Variants in GFPT1 observed in about 807,000 individuals in gnomAD.
GFPT1 encodes glutamine--fructose-6-phosphate aminotransferase [isomerizing] 1.
A neutral mutation model predicts 92.0 loss-of-function variants in GFPT1; 40 were observed. The ratio of observed to expected loss-of-function variants is 0.43; its 90% CI spans 0.34 to 0.57. The LOEUF (loss-of-function observed/expected upper bound fraction) is 0.57. Ranked by LOEUF, GFPT1 falls within the 20% of genes least tolerant of loss-of-function variation. The pLI is 0.02. For synonymous variants in GFPT1, 269 were observed against 280.6 expected (o/e 0.96, Z 0.41); for missense variants, 448 against 869.1 (o/e 0.52, Z 6.09).
At chr2:69,372,595 A>C (rs1671778201) in intron 2 of GFPT1, among the ~76,000 whole-genome samples, 1 of 152,144 alleles carries the variant, frequency 6.6e-6, no homozygotes. Flanking sequence ...ATCTTGAAGA[A>C]CATTAATATT....
intron 19 of GFPT1, 50 bp from the exon 20 acceptor site, chr2:69,326,283 G>A (rs1444112702): frequency 8.3e-7 from 1 of 1,209,010 alleles, no homozygotes; most frequent in Non-Finnish European, 1.2e-6. Flanking sequence ...TATATAGACT[G>A]GGGAAGGGGG....
chr2:69,377,500 A>C (rs1217104628), intron 1 of GFPT1, among the ~76,000 whole-genome samples: 11 of 149,652 alleles, frequency 7.4e-5, no homozygotes, highest in African/African-American at 1.5e-4. Context: ...AATAAAAATA[A>C]AAAAAAAAAA....
intron 15 of GFPT1, among the ~76,000 whole-genome samples, chr2:69,332,252 C>T (rs1404911449): frequency 1.3e-5 from 2 of 151,806 alleles, no homozygotes; most frequent in Non-Finnish European, 2.9e-5. Flanking sequence ...TTTGGCCACA[C>T]ACTCTAAATT....
intron 7 of GFPT1, among the ~76,000 whole-genome samples, 191 bp from the exon 8 acceptor site, chr2:69,354,759 G>A (rs1003211096): frequency 2.6e-5 from 4 of 152,172 alleles, no homozygotes; most frequent in Middle Eastern, 3.4e-3. Context: ...GCTCACACCC[G>A]TAATCCCAGC....
At chr2:69,363,511 C>A (rs148953555) in intron 4 of GFPT1, 34 bp downstream of exon 4, 2 of 1,606,618 alleles carry the variant, frequency 1.2e-6, no homozygotes, top group Non-Finnish European at 1.7e-6. Flanking sequence ...TAGGTTTCCA[C>A]AATCATTCCA....
intron 1 of GFPT1, among the ~76,000 whole-genome samples, chr2:69,379,939 G>A (rs561815902): frequency 7.2e-4 from 109 of 151,428 alleles, no homozygotes; most frequent in Admixed American, 1.8e-3. Context: ...GGCTGGTCTC[G>A]AACTCCTGGA....
In GFPT1 at chr2:69,321,636, A is replaced by G. The variant is rs1217852174; in HGVS notation, c.*4553T>C. On this transcript the variant is annotated 3_prime_UTR_variant, in exon 20 of 20. Coordinates refer to ENST00000357308, the MANE Select transcript of GFPT1 (RefSeq NM_001244710.2). ...TAAACATTCATTTCAAAAATCACAA[A>G]ACTGAAACAAAGCAAAGATGATCCT... The G allele has an allele frequency of 6.6e-6, 1 of 152,214 alleles. No homozygotes were observed. The highest frequency in any genetic ancestry group is 1.5e-5 in the Non-Finnish European group (1 of 68,030). The allele number at this position is 152,214 out of a possible 1,614,324, so 9.4% of individuals were successfully genotyped here.
intron 12 of GFPT1, among the ~76,000 whole-genome samples, chr2:69,343,516 T>C (rs1671006448): frequency 6.6e-6 from 1 of 152,058 alleles, no homozygotes; most frequent in Middle Eastern, 3.2e-3. Flanking sequence ...GTTCAAGCGA[T>C]TCTCCAGCCT....
chr2:69,374,195 C>T (rs1293392992), intron 1 of GFPT1, 82 bp from the exon 2 acceptor site: 4 of 718,050 alleles, frequency 5.6e-6, no homozygotes, highest in East Asian at 2.9e-5. Context: ...TGTGAAAAAA[C>T]GTGAAGTTAG....
rs6724567 is a variant in GFPT1, at chr2:69,358,044, A to G, written c.543+285T>C. Among the ~76,000 whole-genome samples the G allele has an allele frequency of 0.67, 101,619 of 152,084 alleles. 35,616 individuals carry two copies. The highest frequency in any genetic ancestry group is 0.9 in the African/African-American group (37,233 of 41,518). ...CTGTGTACATGTCCACGTGTGGTGC[A>G]TATGGATGTGTGCATATATGCATAG... On this transcript the variant is annotated intron_variant, in intron 6 of 19. Coordinates refer to ENST00000357308, the MANE Select transcript of GFPT1 (RefSeq NM_001244710.2).
Position 69,374,056 on chromosome 2 carries a change from G to A in GFPT1, c.65C>T (p.Thr22Ile). The A allele has an allele frequency of 6.2e-7, 1 of 1,601,276 alleles. No individual in the cohort carries two copies. Among genetic ancestry groups the A allele is most frequent in the Non-Finnish European group, 8.6e-7 (1 of 1,169,176 alleles). ...VPRTRREILE[T>I]LIKGLQRLEY... ...CAGTCTCTGAAGGCCTTTGATTAGG[G>A]TCTCCAGGATTTCTCGTCTCGTTCG... The change falls in exon 2 of 20, where the codon ACC (threonine) becomes ATC (isoleucine). Residue 22 changes from threonine to isoleucine, a missense_variant. Coordinates refer to ENST00000357308, the MANE Select transcript of GFPT1 (RefSeq NM_001244710.2).
At chr2:69,383,612 T>G (rs1340118781) in intron 1 of GFPT1, among the ~76,000 whole-genome samples, 2 of 152,154 alleles carry the variant, frequency 1.3e-5, no homozygotes, top group African/African-American at 4.8e-5. Context: ...ATTTATTTAT[T>G]TATTTATTTA....
intron 6 of GFPT1, among the ~76,000 whole-genome samples, chr2:69,357,509 G>C (rs1282560838): frequency 1.3e-5 from 2 of 152,198 alleles, no homozygotes; most frequent in Non-Finnish European, 2.9e-5. Context: ...AAAAGGCTGG[G>C]AAGGCACACT....
intron 1 of GFPT1, among the ~76,000 whole-genome samples, chr2:69,375,600 A>T (rs979810718): frequency 6.6e-6 from 1 of 152,146 alleles, no homozygotes; most frequent in African/African-American, 2.4e-5. Flanking sequence ...TTCCAGGCCA[A>T]AGACTTACAG....
chr2:69,339,663 T>G (rs541288969), intron 13 of GFPT1, among the ~76,000 whole-genome samples: 2 of 152,264 alleles, frequency 1.3e-5, no homozygotes, highest in African/African-American at 4.8e-5. Context: ...CATCTCAGCT[T>G]TCCTCCTTCT....
At chr2:69,380,098 G>A (rs1671972539) in intron 1 of GFPT1, among the ~76,000 whole-genome samples, 2 of 152,046 alleles carry the variant, frequency 1.3e-5, no homozygotes, top group Non-Finnish European at 2.9e-5. Context: ...AGCAATTTGG[G>A]AGGCTGAGGA....
chr2:69,345,137 T>A (rs1671053064), intron 12 of GFPT1, among the ~76,000 whole-genome samples: 1 of 152,154 alleles, frequency 6.6e-6, no homozygotes, highest in East Asian at 1.9e-4. Context: ...ATGCCTGTAA[T>A]CCCAGCTACT....
Position 69,382,278 on chromosome 2 carries a change from T to A in GFPT1, c.7+4787A>T, listed in dbSNP as rs1252461358. Among the ~76,000 whole-genome samples, 4 of 152,214 alleles carry A rather than the reference T, an allele frequency of 2.6e-5. No individual in the cohort carries two copies. In the South Asian group the frequency reaches 6.2e-4, roughly 24 times the overall value. On this transcript the variant is annotated intron_variant, in intron 1 of 19. Coordinates refer to ENST00000357308, the MANE Select transcript of GFPT1 (RefSeq NM_001244710.2). ...AATGGGTTAAATTTTTATTATTCAA[T>A]GATCTAGAACAATCTTTATTCAACT...
At chr2:69,326,303 TA>T (rs1670530997) in intron 19 of GFPT1, 70 bp from the exon 20 acceptor site, 1 of 919,628 alleles carries the variant, frequency 1.1e-6, no homozygotes, top group African/African-American at 1.7e-5. Flanking sequence ...GTGGTTACTA[TA>T]AGCAAATTAT....
Sources: allele counts gnomAD v4.1 joint callset (sites outside exome capture counted in the v4.1 genomes callset), GRCh38; gene constraint gnomAD v4.1.1; transcripts MANE v1.5; gene names NCBI Gene and HGNC (gene_info 2026-07-23, HGNC 2026-07-21).